The following RADIL variants were observed in gnomAD, a reference collection of about 807,000 sequenced individuals.
The protein encoded by RADIL is Rap associating with DIL domain, also known as ras-associating and dilute domain-containing protein.
Under a neutral mutation model 97.6 loss-of-function variants are expected in RADIL, and 99 were observed. That is an observed-to-expected ratio of 1.01 (90% CI 0.86 to 1.20). The LOEUF (loss-of-function observed/expected upper bound fraction) is 1.20, where lower values mean the gene tolerates loss of function less well. Ranked by LOEUF, RADIL falls within the 50% of genes most tolerant of loss-of-function variation. The pLI is 0.00. For missense variants in RADIL, 1,765 were observed against 1,498.9 expected (o/e 1.18, Z -2.93); for synonymous variants, 803 against 691.8 (o/e 1.16, Z -2.52).
chr7:4,804,278 G>A (rs983933405), intron 10 of RADIL, among the ~76,000 whole-genome samples: 22 of 152,246 alleles, frequency 1.4e-4, no homozygotes, highest in African/African-American at 5.1e-4. Context: ...ACAGAATTCA[G>A]GCCACAGAAA....
intron 2 of RADIL, among the ~76,000 whole-genome samples, chr7:4,847,801 G>A (rs1298224676): frequency 7.2e-6 from 1 of 139,512 alleles, no homozygotes; most frequent in African/African-American, 2.7e-5. Context: ...CGAAATATCT[G>A]GAAAAAGCAA....
chr7:4,801,085 T>TACACCCATGCACAGATGCACAC, intron 12 of RADIL, among the ~76,000 whole-genome samples: 1 of 150,990 alleles, frequency 6.6e-6, no homozygotes, highest in Non-Finnish European at 1.5e-5. Flanking sequence ...CACGTGCACT[T>TACACCCATGCACAGATGCACAC]ACACCCATGC....
At chr7:4,803,272 CCCCGGGCA>C (rs1782175414) in intron 11 of RADIL, among the ~76,000 whole-genome samples, 2 of 118,364 alleles carry the variant, frequency 1.7e-5, no homozygotes, top group African/African-American at 7.6e-5. Context: ...GGGGCCCCCT[CCCCGGGCA>C]CCTCGGGGCA....
chr7:4,855,620 TAAAAAAAAAA>T lies in RADIL; in HGVS notation c.536-19025_536-19016del, dbSNP rs760588803. ...ACACTGTTAGACTTTTTTATTTTTG[TAAAAAAAAAA>T]AAAAAAAAAAAAAAAAAGAAATGCC... On this transcript the variant is annotated intron_variant, in intron 2 of 14. Coordinates refer to ENST00000399583, the MANE Select transcript of RADIL (RefSeq NM_018059.5). Among the ~76,000 whole-genome samples, 630 of 88,172 alleles carry T rather than the reference TAAAAAAAAAA, an allele frequency of 7.1e-3. 7 individuals are homozygous for T. The highest frequency in any genetic ancestry group is 0.022 in the African/African-American group (594 of 27,386). The allele number at this position is 88,172 out of a possible 152,430, so 57.8% of individuals were successfully genotyped here.
rs193294595 is a variant in RADIL at position 4,804,520 on chromosome 7, C to T, written c.2291-766G>A. 2.3e-4 allele frequency among the ~76,000 whole-genome samples: 35 copies of T among 152,346 alleles called. No individual in the cohort carries two copies. The East Asian group carries it at 6.6e-3, about 29-fold the overall frequency. ...ATGCACCCCTGGCCGGGGGTGGCGG[C>T]TCACGCCTGTAATCCCAGCACTTTG... On this transcript the variant is annotated intron_variant, in intron 10 of 14. Coordinates refer to ENST00000399583, the MANE Select transcript of RADIL (RefSeq NM_018059.5).
intron 2 of RADIL, chr7:4,865,371 TG>T: frequency 1.7e-6 from 1 of 597,682 alleles, no homozygotes; most frequent in Admixed American, 3.1e-5. Flanking sequence ...GGTTTTTTTT[TG>T]TTGTTGTTCC....
chr7:4,857,018 G>C (rs1783849748), intron 2 of RADIL, among the ~76,000 whole-genome samples: 2 of 152,210 alleles, frequency 1.3e-5, no homozygotes, highest in African/African-American at 2.4e-5. Flanking sequence ...ACCGGACTGT[G>C]TTCAAAAACT....
intron 9 of RADIL, chr7:4,806,144 CATTT>C (rs1782300521): frequency 4.8e-6 from 4 of 828,680 alleles, no homozygotes; most frequent in East Asian, 1.2e-4. Flanking sequence ...GCAGGGAAAA[CATTT>C]GTTTGTTTGC....
chr7:4,845,855 C>CA (rs1783554092), intron 2 of RADIL, among the ~76,000 whole-genome samples: 1 of 152,190 alleles, frequency 6.6e-6, no homozygotes, highest in African/African-American at 2.4e-5. Flanking sequence ...CAGATGGAGA[C>CA]AGAGCTCTCC....
intron 2 of RADIL, chr7:4,861,141 T>A: frequency 1.9e-6 from 3 of 1,614,194 alleles, no homozygotes; most frequent in Non-Finnish European, 2.5e-6. Context: ...GCTCTCAGAG[T>A]CAGCCTGAAG....
rs966626216 is a variant in RADIL at position 4,800,386 on chromosome 7, GCT to G, written c.2843-78_2843-77del. On this transcript the variant is annotated intron_variant, in intron 12 of 14. Transcript: ENST00000399583. ...ACGAGGAATGGGATGTCCTGGCCTGGCTGCCTCTGTAGGGCGTCAGGGATGGG... is the reference window on the plus strand; with the variant it reads ...ACGAGGAATGGGATGTCCTGGCCTGGGCCTCTGTAGGGCGTCAGGGATGGG... The G allele has an allele frequency of 2.8e-5, 39 of 1,370,574 alleles. 1 individual carries two copies. In the African/African-American group the frequency reaches 5.8e-4, roughly 20 times the overall value. The allele number at this position is 1,370,574 out of a possible 1,614,324, so 84.9% of individuals were successfully genotyped here. A position where few individuals can be genotyped will look rare whatever the true frequency, so the allele number is the denominator to read the frequency against.
intron 5 of RADIL, 152 bp downstream of exon 5, chr7:4,831,989 G>A (rs866002761): frequency 1.3e-6 from 1 of 772,362 alleles, no homozygotes; most frequent in South Asian, 1.8e-5. Flanking sequence ...GATGACTAAA[G>A]AAGCAAAAAA....
chr7:4,841,556 G>A (rs1423761260), intron 2 of RADIL, among the ~76,000 whole-genome samples: 1 of 152,190 alleles, frequency 6.6e-6, no homozygotes, highest in Non-Finnish European at 1.5e-5. Flanking sequence ...GGAAGCCGGC[G>A]GGCGCGGGTC....
chr7:4,827,316 G>A lies in RADIL; in HGVS notation c.1455-4762C>T, dbSNP rs145390979. Among the ~76,000 whole-genome samples the A allele has an allele frequency of 4.0e-4, 60 of 148,628 alleles. No homozygotes were observed. The East Asian group carries it at 9.1e-3, about 23-fold the overall frequency. On this transcript the variant is annotated intron_variant, in intron 5 of 14. Coordinates refer to ENST00000399583, the MANE Select transcript of RADIL (RefSeq NM_018059.5). The stretch of plus-strand genomic sequence containing the variant: ...GGAGGCGGAGGCTGCGGTGAAATGC[G>A]ATTGCACCAGTGCACTCCAGCGTAG...
rs765405693 is a variant in RADIL, at chr7:4,836,374, C to A, written c.767G>T (p.Gly256Val). Residue 256 changes from glycine to valine, a missense_variant, in exon 3 of 15, where the codon GGC (glycine) becomes GTC (valine). Transcript: ENST00000399583. ...YQSPHLLLLQ[G>V]YSQQHDSLVY... Reference sequence around the variant, plus strand: ...GAGGCTCACGTGCTGCTGGCTGTAGCCCTGCAGAAGGAGCAGATGCGGGGA... The same window carrying A: ...GAGGCTCACGTGCTGCTGGCTGTAGACCTGCAGAAGGAGCAGATGCGGGGA... 2 of 1,573,624 alleles carry A rather than the reference C, an allele frequency of 1.3e-6. No individual in the cohort carries two copies. Among genetic ancestry groups the A allele is most frequent in the Non-Finnish European group, 1.7e-6 (2 of 1,159,446 alleles).
At chr7:4,875,954 G>A (rs758337856) in intron 2 of RADIL, among the ~76,000 whole-genome samples, 1 of 152,062 alleles carries the variant, frequency 6.6e-6, no homozygotes, top group Non-Finnish European at 1.5e-5. Flanking sequence ...GTGCTTGTCT[G>A]AGCAGACTTT....
rs1782724039 is a variant in RADIL, at chr7:4,818,032, G to T, written c.1616-681C>A. Among the ~76,000 whole-genome samples, 1 of 152,226 alleles carries T rather than the reference G, an allele frequency of 6.6e-6. No homozygotes were observed. The highest frequency in any genetic ancestry group is 6.5e-5 in the Admixed American group (1 of 15,294). The stretch of plus-strand genomic sequence containing the variant: ...CATCAGCACCTGGGGAAGGGGCCAG[G>T]ACCCTGGGTGTTCCGCCTTTGGGCG... On this transcript the variant is annotated intron_variant, in intron 6 of 14. Coordinates refer to ENST00000399583, the MANE Select transcript of RADIL (RefSeq NM_018059.5). The surrounding 1 kb of genome is among the most constrained non-coding windows in gnomAD (Gnocchi z 7.1).
chr7:4,809,277 C>G, intron 9 of RADIL: 1 of 985,394 alleles, frequency 1.0e-6, no homozygotes, highest in Non-Finnish European at 1.2e-6. Context: ...GCCGGGGCCC[C>G]CCTTCCATCA....
intron 5 of RADIL, among the ~76,000 whole-genome samples, chr7:4,829,761 A>G (rs561403563): frequency 1.8e-4 from 27 of 151,502 alleles, no homozygotes; most frequent in African/African-American, 6.3e-4. Flanking sequence ...CCCTGAACAC[A>G]CTCTCTCGCC....
Sources: allele counts gnomAD v4.1 joint callset (sites outside exome capture counted in the v4.1 genomes callset), GRCh38; gene constraint gnomAD v4.1.1; non-coding constraint Gnocchi (gnomAD v3.1); transcripts MANE v1.5; gene names NCBI Gene and HGNC (gene_info 2026-07-23, HGNC 2026-07-21).